The following ZNHIT6 variants were observed in gnomAD, a reference collection of about 807,000 sequenced individuals.
ZNHIT6 encodes the protein box C/D snoRNA protein 1.
In ZNHIT6, 45 loss-of-function variants were observed where a neutral mutation model predicts 57.2. That is an observed-to-expected ratio of 0.79 (90% CI 0.62 to 1.01). The LOEUF is 1.01. ZNHIT6 is among the 50% of genes least tolerant of loss of function. ZNHIT6 has a pLI of 0.00. For missense variants in ZNHIT6, 528 were observed against 567.3 expected (o/e 0.93, Z 0.70); for synonymous variants, 188 against 190.0 (o/e 0.99, Z 0.09).
intron 8 of ZNHIT6, among the ~76,000 whole-genome samples, chr1:85,663,466 G>A (rs1661279605): frequency 1.3e-5 from 2 of 152,202 alleles, no homozygotes; most frequent in African/African-American, 4.8e-5. Flanking sequence ...TAGAATTAAT[G>A]CATGTGAAAA....
At chr1:85,677,357 A>G in intron 7 of ZNHIT6, 44 bp from the exon 8 acceptor site, 1 of 1,511,238 alleles carries the variant, frequency 6.6e-7, no homozygotes, top group South Asian at 1.2e-5. Context: ...GATTTTTAAT[A>G]TATTTCAAGA....
At chr1:85,668,795 A>G (rs1452370331) in intron 8 of ZNHIT6, among the ~76,000 whole-genome samples, 7 of 152,212 alleles carry the variant, frequency 4.6e-5, no homozygotes, top group Admixed American at 1.3e-4. Context: ...ATCCATTCTA[A>G]TATCAATTGA....
At chr1:85,677,796 T>A (rs1002454035) in intron 7 of ZNHIT6, among the ~76,000 whole-genome samples, 2 of 152,184 alleles carry the variant, frequency 1.3e-5, no homozygotes, top group African/African-American at 4.8e-5. Flanking sequence ...AAATTTTAAA[T>A]ACCAGGTTAT....
chr1:85,687,299 C>CAAAAAAAAA (rs55889012), intron 5 of ZNHIT6, among the ~76,000 whole-genome samples: 2 of 77,936 alleles, frequency 2.6e-5, no homozygotes, highest in Non-Finnish European at 4.7e-5. Flanking sequence ...AAAAAAAAAA[C>CAAAAAAAAA]AAAAAAAAAA....
chr1:85,663,403 G>C (rs1251388095), intron 8 of ZNHIT6, among the ~76,000 whole-genome samples: 1 of 152,102 alleles, frequency 6.6e-6, no homozygotes, highest in African/African-American at 2.4e-5. Flanking sequence ...CAATTTTTCA[G>C]AGCCTACGAT....
At chr1:85,657,195 G>A (rs1661083937) in intron 9 of ZNHIT6, among the ~76,000 whole-genome samples, 2 of 152,168 alleles carry the variant, frequency 1.3e-5, no homozygotes, top group South Asian at 4.1e-4. Context: ...ATATAGATGA[G>A]TCATTTTATG....
chr1:85,681,224 T>C (rs1380083281), intron 5 of ZNHIT6, among the ~76,000 whole-genome samples: 1 of 152,202 alleles, frequency 6.6e-6, no homozygotes, highest in Non-Finnish European at 1.5e-5. Context: ...CTGATGTCTT[T>C]GCTTGACTAG....
rs1258064100 is a variant in ZNHIT6, at chr1:85,651,017, C to A, written c.*3041G>T. On this transcript the variant is annotated 3_prime_UTR_variant, in exon 10 of 10. Coordinates refer to ENST00000370574, the MANE Select transcript of ZNHIT6 (RefSeq NM_017953.4). ...CAGTATATGATTAAATAAAAATAGA[C>A]CAGCATCTTTATGTAAAATTTAGTA... is the stretch of plus-strand genomic sequence containing the variant. 1 of 152,038 alleles carries A rather than the reference C, an allele frequency of 6.6e-6. No individual in the cohort carries two copies. Among genetic ancestry groups the A allele is most frequent in the African/African-American group, 2.4e-5 (1 of 41,402 alleles). 9.4% of individuals were successfully genotyped at this position (152,038 alleles called of 1,614,324 possible).
At chr1:85,659,904 A>C (rs1391636733) in intron 8 of ZNHIT6, among the ~76,000 whole-genome samples, 1 of 152,128 alleles carries the variant, frequency 6.6e-6, no homozygotes, top group Non-Finnish European at 1.5e-5. Flanking sequence ...AATATTCTTT[A>C]TGTTGAAAAG....
Position 85,678,729 on chromosome 1 carries a change from C to A in ZNHIT6, c.1141G>T (p.Glu381Ter), listed in dbSNP as rs1661777930. Residue 381 changes from glutamate (E) to a stop codon, truncating the protein, a stop_gained, in exon 7 of 10, where the codon GAA becomes TAA. Transcript: ENST00000370574. LOFTEE classifies it high-confidence loss of function. ...TGACGAATTACAGGATCAGACTTTT[C>A]AGGATCAATGTAAGGTTTTAGGATT... ...NEILKPYIDP[E>*]KSDPVIRQRL... 6.3e-7 allele frequency: 1 copy of A among 1,591,754 alleles called. No homozygotes were observed.
chr1:85,665,868 T>A (rs995001422), intron 8 of ZNHIT6, among the ~76,000 whole-genome samples: 2 of 152,204 alleles, frequency 1.3e-5, no homozygotes, highest in African/African-American at 4.8e-5. Flanking sequence ...TAGAATGGTA[T>A]TATTTTAGAG....
intron 8 of ZNHIT6, among the ~76,000 whole-genome samples, chr1:85,661,661 T>A (rs1040949009): frequency 6.6e-6 from 1 of 152,236 alleles, no homozygotes; most frequent in Non-Finnish European, 1.5e-5. Context: ...GTTTCCACTA[T>A]CTTGAAGCAA....
intron 8 of ZNHIT6, among the ~76,000 whole-genome samples, chr1:85,675,916 CCT>C (rs1661686917): frequency 6.6e-6 from 1 of 152,208 alleles, no homozygotes. Flanking sequence ...AGCTCCCTCA[CCT>C]CTCTCAGCCT....
At chr1:85,691,876 CT>C (rs1662231509) in intron 5 of ZNHIT6, among the ~76,000 whole-genome samples, 1 of 151,840 alleles carries the variant, frequency 6.6e-6, no homozygotes, top group Non-Finnish European at 1.5e-5. Context: ...CAGAGTAAGA[CT>C]CTGTCTCAAC....
intron 5 of ZNHIT6, among the ~76,000 whole-genome samples, chr1:85,697,761 C>G (rs1267378328): frequency 6.6e-6 from 1 of 152,162 alleles, no homozygotes; most frequent in African/African-American, 2.4e-5. Context: ...GATATTCTGA[C>G]TAGGATTGCA....
At chr1:85,679,637 T>G (rs1661811876) in intron 6 of ZNHIT6, among the ~76,000 whole-genome samples, 1 of 149,288 alleles carries the variant, frequency 6.7e-6, no homozygotes, top group Admixed American at 6.8e-5. Flanking sequence ...CAGGCTGGAG[T>G]GCAGTGGCAT....
At chr1:85,657,809 A>C (rs1182272159) in intron 9 of ZNHIT6, 38 bp downstream of exon 9, 1 of 1,588,944 alleles carries the variant, frequency 6.3e-7, no homozygotes, top group African/African-American at 1.4e-5. Context: ...GTTTCTCTAA[A>C]GCTATTCTAA....
In ZNHIT6 at chr1:85,651,122, T is replaced by C. The variant is rs977878102; in HGVS notation, c.*2936A>G. On this transcript the variant is annotated 3_prime_UTR_variant, in exon 10 of 10. Transcript: ENST00000370574. ...ATAAAGAAAATTGTTGGCATTATAG[T>C]TATGTGATTAACATTTTAATTATAT... The C allele has an allele frequency of 6.6e-6, 1 of 152,212 alleles. No homozygotes were observed. Among genetic ancestry groups the C allele is most frequent in the East Asian group, 1.9e-4 (1 of 5,206 alleles). The allele number at this position is 152,212 out of a possible 1,614,324, so 9.4% of individuals were successfully genotyped here.
intron 8 of ZNHIT6, among the ~76,000 whole-genome samples, chr1:85,666,929 T>C (rs1028142727): frequency 6.6e-6 from 1 of 152,228 alleles, no homozygotes; most frequent in Non-Finnish European, 1.5e-5. Context: ...CGCTTTCTTT[T>C]AGAATCTATA....
Sources: allele counts gnomAD v4.1 joint callset (sites outside exome capture counted in the v4.1 genomes callset), GRCh38; gene constraint gnomAD v4.1.1; transcripts MANE v1.5; gene names NCBI Gene and HGNC (gene_info 2026-07-23, HGNC 2026-07-21).